Variants in ABLIM1 observed in about 807,000 individuals in gnomAD.
ABLIM1 encodes the protein actin-binding LIM protein 1.
ABLIM1 carries 40 observed loss-of-function variants against 107.0 expected under a neutral mutation model. The ratio of observed to expected loss-of-function variants is 0.37; its 90% CI spans 0.29 to 0.49. The LOEUF is 0.49. ABLIM1 is among the 20% of genes least tolerant of loss of function. The pLI is 0.97. For synonymous variants in ABLIM1, 357 were observed against 357.3 expected, an observed-to-expected ratio of 1.00 and a Z score of 0.01; for missense variants, 857 against 1,008.5, an observed-to-expected ratio of 0.85 and a Z score of 2.04.
intron 1 of ABLIM1, among the ~76,000 whole-genome samples, chr10:114,635,994 A>G (rs2078460902): frequency 6.6e-6 from 1 of 152,256 alleles, no homozygotes; most frequent in Non-Finnish European, 1.5e-5. Context: ...GGCTGGGTAT[A>G]CAAAAGCAAG....
At chr10:114,466,875 C>T (rs948845139) in intron 11 of ABLIM1, among the ~76,000 whole-genome samples, 11 of 152,084 alleles carry the variant, frequency 7.2e-5, no homozygotes, top group African/African-American at 9.7e-5. Context: ...TTATGACATA[C>T]GGGCCAGGCA....
At chr10:114,758,104 G>C (rs2082670490) in intron 1 of ABLIM1, among the ~76,000 whole-genome samples, 1 of 152,018 alleles carries the variant, frequency 6.6e-6, no homozygotes, top group African/African-American at 2.4e-5. Context: ...ATATGCAATA[G>C]CACCTTCCCC....
At chr10:114,626,707 T>C in intron 1 of ABLIM1, among the ~76,000 whole-genome samples, 1 of 152,168 alleles carries the variant, frequency 6.6e-6, no homozygotes, top group East Asian at 1.9e-4. Context: ...TCCAAACTCA[T>C]CTATTGAAGT....
intron 12 of ABLIM1, among the ~76,000 whole-genome samples, chr10:114,460,835 C>T (rs115548207): frequency 0.015 from 2,270 of 152,242 alleles, 63 homozygotes; most frequent in African/African-American, 0.052. Context: ...TCCACATGGC[C>T]ACTCATGGAC....
intron 1 of ABLIM1, among the ~76,000 whole-genome samples, chr10:114,708,380 A>G (rs1566259943): frequency 6.6e-6 from 1 of 152,180 alleles, no homozygotes; most frequent in Non-Finnish European, 1.5e-5. Context: ...CTTCTGCCAC[A>G]GAAAAAGGAG....
intron 12 of ABLIM1, among the ~76,000 whole-genome samples, chr10:114,465,303 A>G (rs1018220837): frequency 1.3e-5 from 2 of 151,808 alleles, no homozygotes; most frequent in African/African-American, 4.8e-5. Flanking sequence ...AACATAATCC[A>G]GCTGTTAAAA....
chr10:114,792,860 T>G, the ABLIM1 span, among the ~76,000 whole-genome samples: 1 of 152,174 alleles, frequency 6.6e-6, no homozygotes, highest in Non-Finnish European at 1.5e-5. Context: ...CATGTTGAAA[T>G]GTAATCCCCA....
chr10:114,453,760 G>A (rs186996791), intron 12 of ABLIM1, among the ~76,000 whole-genome samples: 6 of 152,174 alleles, frequency 3.9e-5, no homozygotes, highest in South Asian at 2.1e-4. Flanking sequence ...CTGTGAGCTC[G>A]CAGCAAACTG....
intron 14 of ABLIM1, 52 bp from the exon 15 acceptor site, chr10:114,448,072 T>C (rs374549003): frequency 5.7e-5 from 92 of 1,610,696 alleles, no homozygotes; most frequent in Non-Finnish European, 7.0e-5. Flanking sequence ...TGTAAGACAA[T>C]GGCGGTACAA....
chr10:114,439,524 T>G, intron 20 of ABLIM1: 2 of 532,276 alleles, frequency 3.8e-6, no homozygotes, highest in South Asian at 4.6e-5. Context: ...ATAGTACATT[T>G]AAAAGATGCC....
chr10:114,505,928 T>C (rs2061066198), intron 6 of ABLIM1, among the ~76,000 whole-genome samples: 1 of 152,232 alleles, frequency 6.6e-6, no homozygotes, highest in Non-Finnish European at 1.5e-5. Flanking sequence ...GTAAATTGCA[T>C]GTTGCTGAGG....
At chr10:114,601,583 T>G (rs2076005667) in intron 2 of ABLIM1, 1 of 601,726 alleles carries the variant, frequency 1.7e-6, no homozygotes, top group Admixed American at 2.3e-5. Flanking sequence ...TCAGTGTTAG[T>G]CCCTTCTTCC....
In ABLIM1 at chr10:114,437,049, C is replaced by G. The variant is rs188344418; in HGVS notation, c.2224-676G>C. The stretch of plus-strand genomic sequence containing the variant: ...TCTTGGGTACATGTACCCAGATAAC[C>G]CTTCAACAAGGAATGTGGAAACAGC... On this transcript the variant is annotated intron_variant, in intron 22 of 22. Transcript: ENST00000533213. Among the ~76,000 whole-genome samples, 194 of 152,226 alleles carry G rather than the reference C, an allele frequency of 1.3e-3. No individual in the cohort carries two copies. In the Middle Eastern group the frequency reaches 0.014, roughly 11 times the overall value.
intron 1 of ABLIM1, among the ~76,000 whole-genome samples, chr10:114,757,770 A>T (rs546826802): frequency 1.3e-5 from 2 of 152,218 alleles, no homozygotes; most frequent in African/African-American, 4.8e-5. Flanking sequence ...AACTACATCA[A>T]ATCATGTCAC....
At chr10:114,696,057 A>G (rs1356607050) in intron 1 of ABLIM1, among the ~76,000 whole-genome samples, 1 of 152,168 alleles carries the variant, frequency 6.6e-6, no homozygotes. Flanking sequence ...ATATCCAAAT[A>G]GTTTAGAACT....
At chr10:114,644,280 CAAAAAAA>C (rs1170954656) in intron 1 of ABLIM1, among the ~76,000 whole-genome samples, 27 of 18,616 alleles carry the variant, frequency 1.5e-3, no homozygotes, top group African/African-American at 3.9e-3. Flanking sequence ...GACTCCATCT[CAAAAAAA>C]AAAAAAAAAA....
chr10:114,576,038 C>T lies in ABLIM1; in HGVS notation c.380-439G>A, dbSNP rs78446262. Among the ~76,000 whole-genome samples, 135 of 152,206 alleles carry T rather than the reference C, an allele frequency of 8.9e-4. 4 individuals are homozygous for T. The East Asian group carries it at 0.024, about 28-fold the overall frequency. The stretch of plus-strand genomic sequence containing the variant: ...TACCAAAGGCAGTAGCTGAAATTTC[C>T]GATAGCTGTATTTTTTCACACTCTG... On this transcript the variant is annotated intron_variant, in intron 2 of 22. Coordinates refer to ENST00000533213, the MANE Select transcript of ABLIM1 (RefSeq NM_002313.7).
chr10:114,510,101 C>T (rs2061648749), intron 6 of ABLIM1, among the ~76,000 whole-genome samples: 1 of 152,160 alleles, frequency 6.6e-6, no homozygotes, highest in South Asian at 2.1e-4. Context: ...ATTATGGGAG[C>T]TACAATTCAA....
rs367602742 is a variant in ABLIM1 at position 114,445,362 on chromosome 10, C to T, written c.1777G>A (p.Asp593Asn). ...KRRSSGREEDDEELLRRRQLQ... is the reference protein window; with the variant it reads ...KRRSSGREEDNEELLRRRQLQ... Reference sequence around the variant, plus strand: ...TGCCGACGTCTCAGAAGTTCCTCATCATCTTCCTCTCTGCCACTAGATCTG... The same window carrying T: ...TGCCGACGTCTCAGAAGTTCCTCATTATCTTCCTCTCTGCCACTAGATCTG... Residue 593 changes from aspartate to asparagine, a missense_variant, in exon 16 of 23, where the codon GAT (aspartate) becomes AAT (asparagine). Around this residue, in one of 5 missense-constraint regions of ABLIM1, gnomAD observed 103 missense variants for 101.0 expected, o/e 1.02. Transcript: ENST00000533213. The T allele has an allele frequency of 1.2e-6, 2 of 1,614,182 alleles. No homozygotes were observed. Among genetic ancestry groups the T allele is most frequent in the East Asian group, 2.2e-5 (1 of 44,890 alleles).
Sources: allele counts gnomAD v4.1 joint callset (sites outside exome capture counted in the v4.1 genomes callset), GRCh38; gene constraint gnomAD v4.1.1; regional missense constraint gnomAD v4.1.1; transcripts MANE v1.5; gene names NCBI Gene and HGNC (gene_info 2026-07-23, HGNC 2026-07-21).